The following STK32A variants were observed in gnomAD, a reference collection of about 807,000 sequenced individuals.
STK32A encodes serine/threonine kinase 32A.
In STK32A, 41 loss-of-function variants were observed where a neutral mutation model predicts 53.2. The observed-to-expected ratio is 0.77, with a 90% CI of 0.60 to 1.00. STK32A has a LOEUF of 1.00. STK32A is among the 50% of genes least tolerant of loss of function. The pLI, the probability that STK32A is intolerant of heterozygous loss-of-function variation, is 0.00. For missense variants in STK32A, 458 were observed against 485.8 expected (o/e 0.94, Z 0.54); for synonymous variants, 166 against 162.8 (o/e 1.02, Z -0.15).
intron 2 of STK32A, among the ~76,000 whole-genome samples, chr5:147,241,083 G>A (rs970942735): frequency 2.0e-5 from 3 of 152,164 alleles, no homozygotes; most frequent in Non-Finnish European, 4.4e-5. Context: ...TATTACAAAA[G>A]AAAAGAAGAA....
the STK32A span, among the ~76,000 whole-genome samples, chr5:147,400,523 G>A: frequency 0.031 from 4,789 of 152,280 alleles, 264 homozygotes; most frequent in African/African-American, 0.11. Context: ...CATCACACTA[G>A]AAGGAAATTT....
intron 4 of STK32A, among the ~76,000 whole-genome samples, chr5:147,285,272 C>T (rs767467312): frequency 2.6e-5 from 4 of 152,092 alleles, no homozygotes; most frequent in South Asian, 2.1e-4. Context: ...GAAACTGGAT[C>T]GTCATCTCTC....
intron 5 of STK32A, among the ~76,000 whole-genome samples, chr5:147,330,354 T>C (rs6865466): frequency 0.045 from 6,808 of 152,264 alleles, 499 homozygotes; most frequent in African/African-American, 0.15. Context: ...TACACATACT[T>C]GAATGATGAT....
chr5:147,303,253 T>C (rs921825549), intron 4 of STK32A, among the ~76,000 whole-genome samples: 1 of 152,218 alleles, frequency 6.6e-6, no homozygotes, highest in Non-Finnish European at 1.5e-5. Flanking sequence ...CAGCAAGTAT[T>C]GATGTCTCAT....
At chr5:147,286,817 A>G (rs1256194364) in intron 4 of STK32A, among the ~76,000 whole-genome samples, 2 of 152,066 alleles carry the variant, frequency 1.3e-5, no homozygotes, top group African/African-American at 4.8e-5. Context: ...ATATATATAT[A>G]TTTTTAAACA....
intron 4 of STK32A, among the ~76,000 whole-genome samples, chr5:147,309,020 G>A (rs6580461): frequency 0.83 from 125,577 of 151,546 alleles, 52,387 homozygotes; most frequent in African/African-American, 0.92. Flanking sequence ...ATATATTTTA[G>A]GATGTACATA....
rs532576787 is a variant in STK32A at position 147,282,204 on chromosome 5, C to T, written c.260+2806C>T. 2.1e-3 allele frequency among the ~76,000 whole-genome samples: 306 copies of T among 147,550 alleles called. 2 individuals carry two copies. The highest frequency in any genetic ancestry group is 3.4e-3 in the Non-Finnish European group (220 of 65,072). On this transcript the variant is annotated intron_variant, in intron 4 of 12. Transcript: ENST00000397936. Reference sequence around the variant, plus strand: ...CAAAATAAAAATACAAGTTAAAAAGCAAAAACAAAACCAAAAAAATCTGCA... The same window carrying T: ...CAAAATAAAAATACAAGTTAAAAAGTAAAAACAAAACCAAAAAAATCTGCA...
intron 2 of STK32A, among the ~76,000 whole-genome samples, chr5:147,275,773 G>T (rs966490342): frequency 2.6e-5 from 4 of 152,108 alleles, no homozygotes; most frequent in Non-Finnish European, 5.9e-5. Context: ...AAGGCTTTAG[G>T]CTTGTCCCTT....
intron 2 of STK32A, among the ~76,000 whole-genome samples, chr5:147,266,850 C>T (rs550385554): frequency 6.6e-6 from 1 of 151,946 alleles, no homozygotes; most frequent in African/African-American, 2.4e-5. Context: ...ATAGAGAAAC[C>T]CTGCCTCTCC....
chr5:147,397,862 G>A, the STK32A span: 4 of 1,582,940 alleles, frequency 2.5e-6, no homozygotes, highest in Admixed American at 1.7e-5. Context: ...GCAGGGGTGA[G>A]AAGCAAAGCC....
At chr5:147,341,879 A>T (rs1317029807) in intron 5 of STK32A, among the ~76,000 whole-genome samples, 1 of 152,048 alleles carries the variant, frequency 6.6e-6, no homozygotes, top group Admixed American at 6.6e-5. Context: ...ATAGCAAAGT[A>T]AAAAAAATTC....
chr5:147,248,297 G>A (rs1479964010), intron 2 of STK32A, among the ~76,000 whole-genome samples: 2 of 151,926 alleles, frequency 1.3e-5, no homozygotes, highest in African/African-American at 4.8e-5. Flanking sequence ...ATAATACCCT[G>A]GCCTTACACC....
rs368937728 is a variant in STK32A, at chr5:147,331,329, T to C, written c.434+7258T>C. ...TGGCAGGTTCCACACACCACCTAACTTGATAATCAACAATTCTCTGAGGGG... is the reference window on the plus strand; with the variant it reads ...TGGCAGGTTCCACACACCACCTAACCTGATAATCAACAATTCTCTGAGGGG... On this transcript the variant is annotated intron_variant, in intron 5 of 12. Coordinates refer to ENST00000397936, the MANE Select transcript of STK32A (RefSeq NM_001112724.2). Among the ~76,000 whole-genome samples, 22 of 152,312 alleles carry C rather than the reference T, an allele frequency of 1.4e-4. No homozygotes were observed. The South Asian group carries it at 3.7e-3, about 26-fold the overall frequency.
At chr5:147,336,263 A>AGT (rs1478013862) in intron 5 of STK32A, among the ~76,000 whole-genome samples, 1 of 152,072 alleles carries the variant, frequency 6.6e-6, no homozygotes, top group Non-Finnish European at 1.5e-5. Context: ...GTTGTATTTC[A>AGT]GTGTATTGGC....
intron 8 of STK32A, 92 bp downstream of exon 8, chr5:147,361,706 C>A: frequency 1.0e-6 from 1 of 953,642 alleles, no homozygotes; most frequent in Non-Finnish European, 1.6e-6. Context: ...CCAAGCAGTT[C>A]ACTTGAAAGC....
chr5:147,359,099 A>C (rs1756384475), intron 7 of STK32A, among the ~76,000 whole-genome samples: 1 of 152,190 alleles, frequency 6.6e-6, no homozygotes, highest in African/African-American at 2.4e-5. Context: ...GCAATACCAA[A>C]CAAAATACTC....
chr5:147,351,762 G>C (rs966689315), intron 7 of STK32A, among the ~76,000 whole-genome samples: 1 of 152,128 alleles, frequency 6.6e-6, no homozygotes, highest in Non-Finnish European at 1.5e-5. Flanking sequence ...CAGGAGAATC[G>C]CTTGAATCTG....
chr5:147,315,288 GCATTATT>G (rs1390042400), intron 4 of STK32A, among the ~76,000 whole-genome samples: 1 of 152,178 alleles, frequency 6.6e-6, no homozygotes, highest in African/African-American at 2.4e-5. Context: ...GTTCACAGCA[GCATTATT>G]CATAATAGTC....
At chr5:147,318,568 C>T (rs973589692) in intron 4 of STK32A, among the ~76,000 whole-genome samples, 1 of 150,688 alleles carries the variant, frequency 6.6e-6, no homozygotes, top group Non-Finnish European at 1.5e-5. Context: ...AGTTTGAGAC[C>T]AGCGTGGACA....
Sources: allele counts gnomAD v4.1 joint callset (sites outside exome capture counted in the v4.1 genomes callset), GRCh38; gene constraint gnomAD v4.1.1; transcripts MANE v1.5; gene names NCBI Gene and HGNC (gene_info 2026-07-23, HGNC 2026-07-21).